Variants in CRPPA observed in about 807,000 individuals in gnomAD.
The protein encoded by CRPPA is D-ribitol-5-phosphate cytidylyltransferase.
In CRPPA, 43 loss-of-function variants were observed where a neutral mutation model predicts 52.0. That is an observed-to-expected ratio of 0.83 (90% CI 0.65 to 1.07). The LOEUF (loss-of-function observed/expected upper bound fraction) is 1.07. Ranked by LOEUF, CRPPA falls within the 50% of genes least tolerant of loss-of-function variation. The pLI, the probability that CRPPA is intolerant of heterozygous loss-of-function variation, is 0.00. For synonymous variants in CRPPA, 250 were observed against 203.5 expected (o/e 1.23, Z -1.94); for missense variants, 629 against 551.7 (o/e 1.14, Z -1.40).
chr7:16,386,637 A>T (rs1299558573), intron 2 of CRPPA, among the ~76,000 whole-genome samples: 2 of 152,196 alleles, frequency 1.3e-5, no homozygotes, highest in East Asian at 3.8e-4. Flanking sequence ...GTACTGGATT[A>T]AGGAAATGAC....
At chr7:16,387,066 T>TATATATATATATACACAC (rs1554352477) in intron 2 of CRPPA, among the ~76,000 whole-genome samples, 3 of 109,070 alleles carry the variant, frequency 2.8e-5, no homozygotes, top group Non-Finnish European at 5.4e-5. Context: ...TATATATATA[T>TATATATATATATACACAC]ATATATATAT....
chr7:16,274,150 C>T (rs545389176), intron 6 of CRPPA, among the ~76,000 whole-genome samples: 5 of 152,022 alleles, frequency 3.3e-5, no homozygotes, highest in Admixed American at 1.3e-4. Context: ...CCCGGGTTCA[C>T]GACATTCTCC....
chr7:16,381,977 T>C (rs1399669528), intron 2 of CRPPA, among the ~76,000 whole-genome samples: 4 of 152,094 alleles, frequency 2.6e-5, no homozygotes, highest in Non-Finnish European at 4.4e-5. Flanking sequence ...AACTGGAGCA[T>C]TTAGTCCATT....
intron 9 of CRPPA, among the ~76,000 whole-genome samples, chr7:16,095,398 C>T (rs1475769957): frequency 6.8e-6 from 1 of 146,016 alleles, no homozygotes; most frequent in East Asian, 2.5e-4. Context: ...AATGGGATAA[C>T]ATTTTTTGTG....
intron 9 of CRPPA, among the ~76,000 whole-genome samples, chr7:16,168,180 A>G (rs968546758): frequency 6.6e-6 from 1 of 152,240 alleles, no homozygotes; most frequent in African/African-American, 2.4e-5. Context: ...AAATACAAAC[A>G]TGGGTCAATA....
rs1785929955 is a variant in CRPPA at position 16,343,625 on chromosome 7, CATTAGATGGTGATCACAGT to C, written c.684+32448_684+32466del. Among the ~76,000 whole-genome samples the C allele has an allele frequency of 4.8e-5, 3 of 62,552 alleles. No individual in the cohort carries two copies. The South Asian group carries it at 9.8e-4, about 20-fold the overall frequency. 41.0% of individuals were successfully genotyped at this position (62,552 alleles called of 152,430 possible). On this transcript the variant is annotated intron_variant, in intron 3 of 9. Coordinates refer to ENST00000407010, the MANE Select transcript of CRPPA (RefSeq NM_001101426.4). ...TGGTAATTGTTTAACATCACAGTTGCATTAGATGGTGATCACAGTTGAGGCGCACAAGAAGCTACCAAAA... is the reference window on the plus strand; with the variant it reads ...TGGTAATTGTTTAACATCACAGTTGCTGAGGCGCACAAGAAGCTACCAAAA...
At chr7:16,398,842 C>T (rs1050382551) in intron 2 of CRPPA, among the ~76,000 whole-genome samples, 19 of 152,284 alleles carry the variant, frequency 1.2e-4, no homozygotes, top group East Asian at 7.7e-4. Flanking sequence ...GTGACTGACG[C>T]GATTTACGTA....
At chr7:16,092,918 G>C (rs2128361403) in intron 9 of CRPPA, among the ~76,000 whole-genome samples, 1 of 152,132 alleles carries the variant, frequency 6.6e-6, no homozygotes, top group South Asian at 2.1e-4. Context: ...GAATATCTTT[G>C]GGCCAGCTAA....
chr7:16,264,267 C>T (rs916726943), intron 6 of CRPPA, among the ~76,000 whole-genome samples: 2 of 152,184 alleles, frequency 1.3e-5, no homozygotes, highest in South Asian at 4.2e-4. Context: ...TCAAACACAA[C>T]AAATGAAACA....
chr7:16,279,865 C>T (rs1256119598), intron 5 of CRPPA, among the ~76,000 whole-genome samples: 2 of 152,156 alleles, frequency 1.3e-5, no homozygotes, highest in Non-Finnish European at 2.9e-5. Context: ...TAAAGATATA[C>T]CAGAGACTGG....
intron 5 of CRPPA, among the ~76,000 whole-genome samples, chr7:16,284,873 T>A (rs1784392226): frequency 6.6e-6 from 1 of 152,132 alleles, no homozygotes. Flanking sequence ...TACCACGTGT[T>A]TGGAAGTTCA....
intron 9 of CRPPA, among the ~76,000 whole-genome samples, chr7:16,192,372 G>C (rs1012246074): frequency 6.6e-6 from 1 of 152,092 alleles, no homozygotes; most frequent in African/African-American, 2.4e-5. Context: ...TGGCTGCTTA[G>C]AGATGCACAG....
At chr7:16,099,609 T>C (rs970698825) in intron 9 of CRPPA, among the ~76,000 whole-genome samples, 2 of 151,584 alleles carry the variant, frequency 1.3e-5, no homozygotes, top group Non-Finnish European at 2.9e-5. Context: ...GAACAGAGAG[T>C]AGGAAAGACA....
intron 6 of CRPPA, 66 bp from the exon 7 acceptor site, chr7:16,259,078 A>G (rs958797870): frequency 8.8e-7 from 1 of 1,133,294 alleles, no homozygotes; most frequent in East Asian, 2.5e-5. Context: ...CTTTGTTACA[A>G]AGGAACACAT....
At chr7:16,311,843 GTTCCA>G (rs1266820603) in intron 3 of CRPPA, among the ~76,000 whole-genome samples, 1 of 152,080 alleles carries the variant, frequency 6.6e-6, no homozygotes, top group Non-Finnish European at 1.5e-5. Context: ...TTGTCTAGTT[GTTCCA>G]ACAACATTTG....
At position 16,281,626 on chromosome 7, in the gene CRPPA, T is replaced by C. The variant is rs12114021; in HGVS notation, c.836-3400A>G. ...ATTATACTATTCGCACATAATGAGT[T>C]GGTAAGTGTTTTTCCTACTCTCTAG... On this transcript the variant is annotated intron_variant, in intron 5 of 9. Coordinates refer to ENST00000407010, the MANE Select transcript of CRPPA (RefSeq NM_001101426.4). Among the ~76,000 whole-genome samples the C allele has an allele frequency of 2.6e-3, 397 of 152,322 alleles. 2 individuals carry two copies. The highest frequency in any genetic ancestry group is 9.2e-3 in the African/African-American group (382 of 41,584).
At chr7:16,335,709 T>A (rs754195364) in intron 3 of CRPPA, among the ~76,000 whole-genome samples, 1 of 152,118 alleles carries the variant, frequency 6.6e-6, no homozygotes, top group African/African-American at 2.4e-5. Context: ...CTGGAAAGCA[T>A]ATTTAAAGAA....
At chr7:16,179,702 T>A (rs555208644) in intron 9 of CRPPA, among the ~76,000 whole-genome samples, 2 of 152,128 alleles carry the variant, frequency 1.3e-5, no homozygotes, top group East Asian at 3.9e-4. Context: ...AAATAATAAA[T>A]CTGTTGTTTG....
At chr7:16,097,537 T>C (rs1781959720) in intron 9 of CRPPA, among the ~76,000 whole-genome samples, 1 of 152,166 alleles carries the variant, frequency 6.6e-6, no homozygotes, top group Admixed American at 6.6e-5. Flanking sequence ...TAATTACCAT[T>C]ATCTTTTAAA....
Sources: allele counts gnomAD v4.1 joint callset (sites outside exome capture counted in the v4.1 genomes callset), GRCh38; gene constraint gnomAD v4.1.1; transcripts MANE v1.5; gene names NCBI Gene and HGNC (gene_info 2026-07-23, HGNC 2026-07-21).